Variants in VSTM4 observed in about 807,000 individuals in gnomAD.
VSTM4 encodes V-set and transmembrane domain-containing protein 4.
In VSTM4, 20 loss-of-function variants were observed where a neutral mutation model predicts 36.4. The observed-to-expected ratio is 0.55, with a 90% CI of 0.39 to 0.80. The LOEUF (loss-of-function observed/expected upper bound fraction) is 0.80. Ranked by LOEUF, VSTM4 falls within the 30% of genes least tolerant of loss-of-function variation. The probability of loss-of-function intolerance (pLI) is 0.00; values close to 1 mark genes in which losing one functional copy is unlikely to be tolerated. For synonymous variants in VSTM4, 182 were observed against 173.9 expected (o/e 1.05, Z -0.37); for missense variants, 392 against 404.5 (o/e 0.97, Z 0.26).
chr10:49,064,018 A>T (rs1352295399), intron 5 of VSTM4: 1 of 152,260 alleles, frequency 6.6e-6, no homozygotes, highest in African/African-American at 2.4e-5. Flanking sequence ...TGGAGTAGGA[A>T]AAAAGCAAGT....
At chr10:49,093,230 G>C (rs766581717) in intron 2 of VSTM4, among the ~76,000 whole-genome samples, 1 of 152,072 alleles carries the variant, frequency 6.6e-6, no homozygotes, top group Admixed American at 6.6e-5. Context: ...GGCTTCAGGA[G>C]TTATAAACAT....
chr10:49,022,667 A>T (rs974177560), intron 7 of VSTM4, among the ~76,000 whole-genome samples: 1 of 152,272 alleles, frequency 6.6e-6, no homozygotes, highest in East Asian at 1.9e-4. Flanking sequence ...CCCTGTTTAC[A>T]TTCTCGCTTT....
At chr10:49,088,679 A>T (rs1238190472) in intron 2 of VSTM4, among the ~76,000 whole-genome samples, 1 of 152,002 alleles carries the variant, frequency 6.6e-6, no homozygotes, top group East Asian at 1.9e-4. Flanking sequence ...TGTTGTATTT[A>T]CTCTCTTTGC....
rs1043453150 is a variant in VSTM4, at chr10:49,019,419, C to A, written c.*231G>T. ...AGGATCAGAATCCTTACGCTCAGGG[C>A]TCAAACCCAGGCGCATCTTGTCCCG... On this transcript the variant is annotated 3_prime_UTR_variant, in exon 8 of 8. Coordinates refer to ENST00000332853, the MANE Select transcript of VSTM4 (RefSeq NM_001031746.5). 1.7e-5 allele frequency: 7 copies of A among 403,950 alleles called. No individual in the cohort carries two copies. Among genetic ancestry groups the A allele is most frequent in the Non-Finnish European group, 2.8e-5 (7 of 248,372 alleles). The allele number at this position is 403,950 out of a possible 1,614,324, so 25.0% of individuals were successfully genotyped here.
intron 5 of VSTM4, among the ~76,000 whole-genome samples, chr10:49,063,662 G>A (rs1162398025): frequency 6.6e-6 from 1 of 152,218 alleles, no homozygotes; most frequent in African/African-American, 2.4e-5. Flanking sequence ...CCCTGCTGGT[G>A]CTGCCAGAGG....
rs149926466 is a variant in VSTM4 at position 49,019,975 on chromosome 10, G to A, written c.838-200C>T. On this transcript the variant is annotated intron_variant, in intron 7 of 7. Coordinates refer to ENST00000332853, the MANE Select transcript of VSTM4 (RefSeq NM_001031746.5). ...CTCATTGTCTTCTATAGAGCACTAC[G>A]TCCTGCAGTGAGATCCTGTGATTTG... Among the ~76,000 whole-genome samples the A allele has an allele frequency of 2.2e-3, 334 of 152,226 alleles. 1 individual carries two copies. Among genetic ancestry groups the A allele is most frequent in the Non-Finnish European group, 3.5e-3 (238 of 68,020 alleles).
chr10:49,048,710 G>T (rs535117589), intron 5 of VSTM4, 126 bp from the exon 6 acceptor site: 3 of 717,122 alleles, frequency 4.2e-6, no homozygotes, highest in Admixed American at 6.6e-5. Flanking sequence ...GTAAGGGAAG[G>T]TTATCATATG....
intron 6 of VSTM4, 106 bp from the exon 7 acceptor site, chr10:49,047,150 C>T (rs1164477004): frequency 8.7e-7 from 1 of 1,151,674 alleles, no homozygotes; most frequent in Admixed American, 1.9e-5. Flanking sequence ...ATACCCCTTC[C>T]TGGTCCCATG....
intron 3 of VSTM4, among the ~76,000 whole-genome samples, chr10:49,082,045 T>A (rs1844288307): frequency 6.6e-6 from 1 of 152,148 alleles, no homozygotes; most frequent in Non-Finnish European, 1.5e-5. Context: ...CAAACAACAG[T>A]TAAACTCTGA....
intron 5 of VSTM4, among the ~76,000 whole-genome samples, chr10:49,057,783 G>C (rs1843807307): frequency 6.6e-6 from 1 of 152,210 alleles, no homozygotes; most frequent in African/African-American, 2.4e-5. Flanking sequence ...TGCTCAGGTG[G>C]ATGTGGGCAG....
At chr10:49,075,106 AC>A (rs762433382) in intron 4 of VSTM4, among the ~76,000 whole-genome samples, 1 of 152,148 alleles carries the variant, frequency 6.6e-6, no homozygotes, top group Non-Finnish European at 1.5e-5. Context: ...TGCAAATGGG[AC>A]CATCTGAGGC....
chr10:49,113,630 G>A (rs771611734), intron 1 of VSTM4, among the ~76,000 whole-genome samples: 5 of 152,150 alleles, frequency 3.3e-5, no homozygotes, highest in Non-Finnish European at 7.3e-5. Context: ...ATTTGCTATC[G>A]TAAATATATT....
chr10:49,106,438 C>T (rs547130704), intron 2 of VSTM4, among the ~76,000 whole-genome samples: 8 of 152,322 alleles, frequency 5.3e-5, no homozygotes, highest in African/African-American at 1.9e-4. Flanking sequence ...CGAATAGAAA[C>T]ATTGGTGATA....
At chr10:49,088,063 G>T (rs906034287) in intron 2 of VSTM4, among the ~76,000 whole-genome samples, 2 of 150,514 alleles carry the variant, frequency 1.3e-5, no homozygotes, top group Middle Eastern at 3.5e-3. Context: ...TTTATGAAAT[G>T]TAGATATGTG....
intron 7 of VSTM4, among the ~76,000 whole-genome samples, chr10:49,043,649 G>A (rs1169926953): frequency 1.3e-5 from 2 of 152,162 alleles, no homozygotes; most frequent in Admixed American, 6.5e-5. Context: ...CAAAAATTAA[G>A]TTCAAATAAT....
chr10:49,027,467 T>C (rs567486948), intron 7 of VSTM4, among the ~76,000 whole-genome samples: 25 of 152,320 alleles, frequency 1.6e-4, no homozygotes, highest in African/African-American at 4.8e-4. Context: ...TTGTTTTAAA[T>C]GACATGGGGT....
intron 5 of VSTM4, among the ~76,000 whole-genome samples, chr10:49,063,023 A>C (rs906487575): frequency 7.0e-6 from 1 of 141,888 alleles, no homozygotes; most frequent in Non-Finnish European, 1.5e-5. Context: ...TGATGATTGA[A>C]TCTTTTTTTT....
chr10:49,037,777 C>A (rs543454280), intron 7 of VSTM4, among the ~76,000 whole-genome samples: 24 of 152,210 alleles, frequency 1.6e-4, no homozygotes, highest in South Asian at 6.2e-4. Flanking sequence ...CAAACAATCT[C>A]TTTTTTTAAA....
chr10:49,069,563 G>C (rs1252798726), intron 4 of VSTM4, among the ~76,000 whole-genome samples: 1 of 152,184 alleles, frequency 6.6e-6, no homozygotes, highest in Non-Finnish European at 1.5e-5. Context: ...CATTTACCCA[G>C]TGGGAGAGAA....
Sources: gnomAD v4.1 joint callset for allele counts (sites outside exome capture counted in the v4.1 genomes callset) on GRCh38, gnomAD v4.1.1 for gene constraint, MANE v1.5 for transcripts, NCBI Gene and HGNC (gene_info 2026-07-23, HGNC 2026-07-21) for gene names.